Variants in PJVK observed in about 807,000 individuals in gnomAD.
The protein encoded by PJVK is pejvakin, also known as autosomal recessive deafness type 59 protein.
In PJVK, 33 loss-of-function variants were observed where a neutral mutation model predicts 37.6. The observed-to-expected ratio is 0.88, with a 90% CI of 0.67 to 1.17. The LOEUF (loss-of-function observed/expected upper bound fraction) is 1.17. Among genes scored for constraint, PJVK ranks in the 50% most tolerant of loss-of-function variants. The probability of loss-of-function intolerance (pLI) is 0.00; values close to 1 mark genes in which losing one functional copy is unlikely to be tolerated. For missense variants in PJVK, 410 were observed against 413.8 expected, an observed-to-expected ratio of 0.99 and a Z score of 0.08; for synonymous variants, 141 against 143.5, an observed-to-expected ratio of 0.98 and a Z score of 0.13.
intron 2 of PJVK, 126 bp downstream of exon 2, chr2:178,453,746 T>C (rs1238937359): frequency 1.2e-5 from 9 of 781,026 alleles, no homozygotes; most frequent in South Asian, 1.6e-5. Context: ...TTTATTATGA[T>C]GTTAGTGTAA....
rs1297243222 is a variant in PJVK at position 178,451,772 on chromosome 2, C to T, written c.-23+3C>T. ...TTCGTCGCGAGATGGAACGCTGGGT[C>T]AGTGCATCCCAGCAAAACACGTTAG... On this transcript the variant is annotated splice_donor_region_variant and intron_variant, in intron 1 of 6. Transcript: ENST00000644580. 1.8e-5 allele frequency: 18 copies of T among 985,254 alleles called. No individual in the cohort carries two copies. The highest frequency in any genetic ancestry group is 2.2e-5 in the Non-Finnish European group (18 of 829,904). The allele number at this position is 985,254 out of a possible 1,614,324, so 61.0% of individuals were successfully genotyped here.
Position 178,453,519 on chromosome 2 carries a change from T to A in PJVK, c.110T>A (p.Val37Glu). 1.2e-5 allele frequency: 20 copies of A among 1,614,152 alleles called. No individual in the cohort carries two copies. The highest frequency in any genetic ancestry group is 1.7e-4 in the Middle Eastern group (1 of 6,060). The change falls in exon 2 of 7, where the codon GTG becomes GAG. Residue 37 changes from valine (V) to glutamate (E), a missense_variant. By Grantham distance (121) the Val-to-Glu change is moderately radical. Coordinates refer to ENST00000644580, the MANE Select transcript of PJVK (RefSeq NM_001042702.5). Reference protein sequence around the residue: ...EADKYQPLSLVVKKKRCFLFP... With the variant: ...EADKYQPLSLEVKKKRCFLFP... ...GACAAATATCAACCTCTAAGTCTGG[T>A]GGTAAAAAAGAAGCGATGCTTTCTG...
chr2:178,461,286 A>T lies in PJVK; in HGVS notation c.*12A>T. On this transcript the variant is annotated 3_prime_UTR_variant, in exon 7 of 7. Coordinates refer to ENST00000644580, the MANE Select transcript of PJVK (RefSeq NM_001042702.5). Reference sequence around the variant, plus strand: ...AGAGGATGAAATAAAATGAAAAATGAATACACCGTGTTGGTGTTTTAGGTG... The same window carrying T: ...AGAGGATGAAATAAAATGAAAAATGTATACACCGTGTTGGTGTTTTAGGTG... The T allele has an allele frequency of 6.2e-7, 1 of 1,613,662 alleles. No individual in the cohort carries two copies. The highest frequency in any genetic ancestry group is 8.5e-7 in the Non-Finnish European group (1 of 1,179,994).
At chr2:178,456,822 C>T (rs1684128009) in intron 4 of PJVK, among the ~76,000 whole-genome samples, 1 of 151,882 alleles carries the variant, frequency 6.6e-6, no homozygotes, top group African/African-American at 2.4e-5. Flanking sequence ...TAACATAATG[C>T]AAAAACAGTA....
chr2:178,458,482 A>T (rs1179616479), intron 4 of PJVK, 28 bp from the exon 5 acceptor site: 8 of 1,498,632 alleles, frequency 5.3e-6, no homozygotes, highest in Middle Eastern at 1.7e-4. Flanking sequence ...TATGATCCTT[A>T]ATTATGTTAT....
intron 5 of PJVK, chr2:178,459,961 T>C (rs1684380017): frequency 5.2e-6 from 1 of 194,078 alleles, no homozygotes; most frequent in Non-Finnish European, 1.1e-5. Flanking sequence ...TTTTAATAGA[T>C]ATTTTTCAAG....
At position 178,451,745 on chromosome 2, in the gene PJVK, C is replaced by T. The variant is rs1389751206; in HGVS notation, c.-47C>T. On this transcript the variant is annotated 5_prime_UTR_variant, in exon 1 of 7. Coordinates refer to ENST00000644580, the MANE Select transcript of PJVK (RefSeq NM_001042702.5). ...CGGGCGGGCTCCTTTGTCTTCTGGG[C>T]TTTCGTCGCGAGATGGAACGCTGGG... 8.1e-6 allele frequency: 8 copies of T among 985,038 alleles called. No homozygotes were observed. In the African/African-American group the frequency reaches 1.4e-4, roughly 17 times the overall value. The allele number at this position is 985,038 out of a possible 1,614,324, so 61.0% of individuals were successfully genotyped here.
chr2:178,454,431 T>A lies in PJVK; in HGVS notation c.311T>A (p.Val104Asp). 2 of 1,614,048 alleles carry A rather than the reference T, an allele frequency of 1.2e-6. No individual in the cohort carries two copies. Among genetic ancestry groups the A allele is most frequent in the South Asian group, 1.1e-5 (1 of 91,078 alleles). Residue 104 changes from valine (V) to aspartate (D), a missense_variant, in exon 3 of 7, where the codon GTT becomes GAT. By Grantham distance (152) the Val-to-Asp change is radical. Coordinates refer to ENST00000644580, the MANE Select transcript of PJVK (RefSeq NM_001042702.5). Reference sequence around the variant, plus strand: ...ATTGTAAATGACGTTGGGATTAACGTTGCTGGATCAGATTCCATTGCAGTG... The same window carrying A: ...ATTGTAAATGACGTTGGGATTAACGATGCTGGATCAGATTCCATTGCAGTG... ...NHIVNDVGINVAGSDSIAVKA... is the reference protein window; with the variant it reads ...NHIVNDVGINDAGSDSIAVKA...
At chr2:178,451,992 AT>A (rs1375361954) in intron 1 of PJVK, 3 of 488,156 alleles carry the variant, frequency 6.1e-6, no homozygotes, top group Non-Finnish European at 8.0e-6. Flanking sequence ...ACGAAAGGAT[AT>A]TATTAAAAGT....
Position 178,454,472 on chromosome 2 carries a change from A to T in PJVK, c.352A>T (p.Ile118Leu), listed in dbSNP as rs1378202753. The T allele has an allele frequency of 6.2e-6, 10 of 1,613,962 alleles. No homozygotes were observed. In the East Asian group the frequency reaches 1.8e-4, roughly 29 times the overall value. Reference protein sequence around the residue: ...DSIAVKASFGIVTKHEVEVST... With the variant: ...DSIAVKASFGLVTKHEVEVST... ...CATTGCAGTGAAAGCTTCATTTGGTATAGTAACCAAACATGAAGTGGAAGT... is the reference window on the plus strand; with the variant it reads ...CATTGCAGTGAAAGCTTCATTTGGTTTAGTAACCAAACATGAAGTGGAAGT... Residue 118 changes from isoleucine to leucine, a missense_variant, in exon 3 of 7, where the codon ATA (isoleucine) becomes TTA (leucine). Physicochemically the swap from Ile to Leu is conservative, Grantham distance 5. Coordinates refer to ENST00000644580, the MANE Select transcript of PJVK (RefSeq NM_001042702.5).
rs904828952 is a variant in PJVK, at chr2:178,452,473, T to G, written c.-23+704T>G. ...ATGTATATAGATTACTATCCATCAC[T>G]GTTTTAATGGATATCTTATTGGAAG... On this transcript the variant is annotated intron_variant, in intron 1 of 6. Coordinates refer to ENST00000644580, the MANE Select transcript of PJVK (RefSeq NM_001042702.5). 5 of 985,222 alleles carry G rather than the reference T, an allele frequency of 5.1e-6. No homozygotes were observed. In the African/African-American group the frequency reaches 8.7e-5, roughly 17 times the overall value. 61.0% of individuals were successfully genotyped at this position (985,222 alleles called of 1,614,324 possible). A position where few individuals can be genotyped will look rare whatever the true frequency, so the allele number is the denominator to read the frequency against.
chr2:178,458,736 A>G (rs774006888), intron 5 of PJVK, 109 bp downstream of exon 5: 97 of 961,566 alleles, frequency 1.0e-4, no homozygotes, highest in Non-Finnish European at 1.5e-4. Flanking sequence ...TCTAACAATT[A>G]TAGAAGATGC....
chr2:178,452,990 T>C (rs1697798526), intron 1 of PJVK: 2 of 214,768 alleles, frequency 9.3e-6, no homozygotes, highest in Admixed American at 5.3e-5. Flanking sequence ...CCACTGTAGA[T>C]TGTATCCGGG....
intron 1 of PJVK, 194 bp downstream of exon 1, chr2:178,451,963 C>A: frequency 1.8e-6 from 1 of 562,628 alleles, no homozygotes; most frequent in Non-Finnish European, 2.3e-6. Flanking sequence ...TGGAAGATTG[C>A]TTGCACAATG....
chr2:178,453,443 C>CT lies in PJVK; in HGVS notation c.34_35insT (p.Gln12LeufsTer16). On this transcript the variant is annotated frameshift_variant, in exon 2 of 7. Coordinates refer to ENST00000644580, the MANE Select transcript of PJVK (RefSeq NM_001042702.5). LOFTEE classifies it high-confidence loss of function. ...TGCTGCTACCAAGAGCTTTGTCAAG[C>CT]AAGTTGGAGATGGAGGGAGATTAGT... 6.2e-7 allele frequency: 1 copy of CT among 1,614,122 alleles called. No individual in the cohort carries two copies. Among genetic ancestry groups the CT allele is most frequent in the Non-Finnish European group, 8.5e-7 (1 of 1,179,996 alleles).
intron 2 of PJVK, 95 bp from the exon 3 acceptor site, chr2:178,454,237 G>A (rs1697905976): frequency 9.5e-7 from 1 of 1,049,864 alleles, no homozygotes; most frequent in South Asian, 1.6e-5. Context: ...TAACATTTGG[G>A]TATTTGAGTC....
chr2:178,451,495 G>C lies in PJVK; in HGVS notation c.-297G>C, dbSNP rs1395874667. The C allele has an allele frequency of 2.5e-5, 4 of 159,880 alleles. No individual in the cohort carries two copies. Among genetic ancestry groups the C allele is most frequent in the African/African-American group, 9.6e-5 (4 of 41,656 alleles). The allele number at this position is 159,880 out of a possible 1,614,324, so 9.9% of individuals were successfully genotyped here. On this transcript the variant is annotated 5_prime_UTR_variant, in exon 1 of 7. Coordinates refer to ENST00000644580, the MANE Select transcript of PJVK (RefSeq NM_001042702.5). ...CCGGCGTGGGTCTAGGGTCGTTGAG[G>C]CCTAAAGTTAAGCCTTTGTGGGGAG... is the stretch of plus-strand genomic sequence containing the variant.
chr2:178,457,067 C>T (rs1684152483), intron 4 of PJVK, among the ~76,000 whole-genome samples: 1 of 152,082 alleles, frequency 6.6e-6, no homozygotes, highest in Non-Finnish European at 1.5e-5. Flanking sequence ...CTCCCGGGTT[C>T]ATGCCATTCT....
At chr2:178,453,217 A>G (rs959396817) in intron 1 of PJVK, 171 bp from the exon 2 acceptor site, 1 of 593,394 alleles carries the variant, frequency 1.7e-6, no homozygotes, top group Non-Finnish European at 3.0e-6. Context: ...CCGTTGATCT[A>G]TAATTCATTA....
Sources: gnomAD v4.1 joint callset for allele counts (sites outside exome capture counted in the v4.1 genomes callset) on GRCh38, gnomAD v4.1.1 for gene constraint, MANE v1.5 for transcripts, NCBI Gene and HGNC (gene_info 2026-07-23, HGNC 2026-07-21) for gene names.